Variants in DCT observed in about 807,000 individuals in gnomAD.
DCT encodes dopachrome tautomerase.
A neutral mutation model predicts 53.0 loss-of-function variants in DCT; 47 were observed. The ratio of observed to expected loss-of-function variants is 0.89; its 90% CI spans 0.70 to 1.13. The LOEUF is 1.13. Ranked by LOEUF, DCT falls within the 50% of genes most tolerant of loss-of-function variation. The pLI, the probability that DCT is intolerant of heterozygous loss-of-function variation, is 0.00. For missense variants in DCT, 669 were observed against 637.4 expected (o/e 1.05, Z -0.53); for synonymous variants, 244 against 237.0 (o/e 1.03, Z -0.27).
chr13:94,442,883 T>C (rs1269713854), intron 7 of DCT, among the ~76,000 whole-genome samples: 1 of 152,220 alleles, frequency 6.6e-6, no homozygotes, highest in Non-Finnish European at 1.5e-5. Context: ...TATTCATGGT[T>C]AATTTTTTGC....
At chr13:94,521,267 A>G in the DCT span, among the ~76,000 whole-genome samples, 2 of 152,390 alleles carry the variant, frequency 1.3e-5, no homozygotes, top group Admixed American at 1.3e-4. Context: ...TGCTTAGCTC[A>G]GTACCTGGCA....
At chr13:94,440,676 G>GTT (rs761688508) in intron 7 of DCT, among the ~76,000 whole-genome samples, 4,788 of 97,944 alleles carry the variant, frequency 0.049, 374 homozygotes, top group African/African-American at 0.12. Flanking sequence ...TCATTTTTTG[G>GTT]TTTTTTTTTT....
At chr13:94,459,877 C>T (rs1883665453) in intron 6 of DCT, among the ~76,000 whole-genome samples, 1 of 152,196 alleles carries the variant, frequency 6.6e-6, no homozygotes, top group Non-Finnish European at 1.5e-5. Context: ...TCTAAGATCA[C>T]CCAAAAGTGA....
rs1047723222 is a variant in DCT at position 94,437,482 on chromosome 13, T to A, written c.*2416A>T. 4 of 152,216 alleles carry A rather than the reference T, an allele frequency of 2.6e-5. No individual in the cohort carries two copies. The highest frequency in any genetic ancestry group is 6.5e-5 in the Admixed American group (1 of 15,280). 9.4% of individuals were successfully genotyped at this position (152,216 alleles called of 1,614,324 possible). A position where few individuals can be genotyped will look rare whatever the true frequency, so the allele number is the denominator to read the frequency against. ...TTAATGCACAAAGGAAAGATGTTAT[T>A]GCATTTTATCCCATTTCTGAATGTT... On this transcript the variant is annotated 3_prime_UTR_variant, in exon 8 of 8. Coordinates refer to ENST00000377028, the MANE Select transcript of DCT (RefSeq NM_001922.5).
the DCT span, among the ~76,000 whole-genome samples, chr13:94,514,473 C>T: frequency 6.6e-6 from 1 of 152,202 alleles, no homozygotes. Context: ...AGTGAGCAGC[C>T]TTGGCTGGGC....
At chr13:94,481,147 A>G (rs142876796), upstream of DCT, among the ~76,000 whole-genome samples, 6 of 152,258 alleles carry the variant, frequency 3.9e-5, no homozygotes, top group Non-Finnish European at 7.4e-5. Flanking sequence ...TTTTTCCTCC[A>G]TGTCTGTTTC....
At chr13:94,546,088 G>A in the DCT span, among the ~76,000 whole-genome samples, 39,654 of 151,962 alleles carry the variant, frequency 0.26, 6,534 homozygotes, top group East Asian at 0.61. This position sits in a 1 kb window ranked among gnomAD's most constrained non-coding sequence, Gnocchi z 4.2. Flanking sequence ...ACTAAAAAGG[G>A]CTTACAATTG....
chr13:94,479,936 C>T (rs1182494391), upstream of DCT, among the ~76,000 whole-genome samples: 3 of 152,162 alleles, frequency 2.0e-5, no homozygotes, highest in East Asian at 5.8e-4. Context: ...CCTGGGGAGT[C>T]AGTAGATGCA....
the DCT span, among the ~76,000 whole-genome samples, chr13:94,513,151 AAAG>A: frequency 6.6e-6 from 1 of 152,222 alleles, no homozygotes; most frequent in African/African-American, 2.4e-5. Context: ...ATGCTGGGTG[AAAG>A]AAGGTGCCTC....
chr13:94,465,518 T>C, intron 4 of DCT, 115 bp downstream of exon 4: 7 of 891,318 alleles, frequency 7.9e-6, no homozygotes, highest in Non-Finnish European at 1.1e-5. Context: ...TTTAGAAACA[T>C]GTAAATAGGA....
the DCT span, among the ~76,000 whole-genome samples, chr13:94,534,791 A>G: frequency 6.6e-6 from 1 of 152,258 alleles, no homozygotes; most frequent in Non-Finnish European, 1.5e-5. Flanking sequence ...GCTAACTTAA[A>G]CACTCTTGTT....
the DCT span, among the ~76,000 whole-genome samples, chr13:94,527,128 G>A: frequency 1.4e-4 from 22 of 152,198 alleles, no homozygotes; most frequent in Non-Finnish European, 2.9e-4. Context: ...AGGCCAGGAA[G>A]CACAAACTGG....
rs1324177752 is a variant in DCT at position 94,437,574 on chromosome 13, G to A, written c.*2324C>T. The A allele has an allele frequency of 6.6e-6, 1 of 152,168 alleles. No homozygotes were observed. Among genetic ancestry groups the A allele is most frequent in the East Asian group, 1.9e-4 (1 of 5,198 alleles). The allele number at this position is 152,168 out of a possible 1,614,324, so 9.4% of individuals were successfully genotyped here. A position where few individuals can be genotyped will look rare whatever the true frequency, so the allele number is the denominator to read the frequency against. ...TTTTCTAATACTGAAGATATAAGCA[G>A]TAAAGTGATCTGGTCATTTTCTCCA... On this transcript the variant is annotated 3_prime_UTR_variant, in exon 8 of 8. Coordinates refer to ENST00000377028, the MANE Select transcript of DCT (RefSeq NM_001922.5).
chr13:94,449,764 A>G (rs1330715626), intron 6 of DCT, among the ~76,000 whole-genome samples: 2 of 152,238 alleles, frequency 1.3e-5, no homozygotes, highest in Admixed American at 6.5e-5. Flanking sequence ...TTGTTCTACC[A>G]AAGATTTGAA....
chr13:94,460,119 T>A lies in DCT; in HGVS notation c.1151A>T (p.His384Leu). The change falls in exon 6 of 8, where the codon CAT becomes CTT. Residue 384 changes from histidine to leucine, a missense_variant. Transcript: ENST00000377028. The part of the protein sequence containing the change: ...SFLNGTNALP[H>L]SAANDPIFVV... ...AAAAATGGGATCATTGGCGGCTGAA[T>A]GTGGCAAAGCGTTTGTCCCGTTCAG... 3.1e-6 allele frequency: 5 copies of A among 1,614,114 alleles called. No homozygotes were observed. The highest frequency in any genetic ancestry group is 4.2e-6 in the Non-Finnish European group (5 of 1,180,004).
chr13:94,536,127 T>A, the DCT span, among the ~76,000 whole-genome samples: 2 of 152,250 alleles, frequency 1.3e-5, no homozygotes, highest in South Asian at 4.1e-4. Context: ...TTATTTAAGG[T>A]CCAGGAGACA....
At chr13:94,475,752 T>C (rs1174215780) in intron 1 of DCT, among the ~76,000 whole-genome samples, 1 of 152,234 alleles carries the variant, frequency 6.6e-6, no homozygotes. Context: ...TTCATTATCT[T>C]GATTGTGGAA....
intron 6 of DCT, among the ~76,000 whole-genome samples, chr13:94,458,646 A>G (rs113489924): frequency 0.013 from 1,955 of 152,066 alleles, 21 homozygotes; most frequent in South Asian, 0.038. Flanking sequence ...TAGTAAAAAT[A>G]TAAAAATTAA....
chr13:94,453,176 G>A (rs1197123639), intron 6 of DCT, among the ~76,000 whole-genome samples: 2 of 152,156 alleles, frequency 1.3e-5, no homozygotes, highest in African/African-American at 2.4e-5. Flanking sequence ...AGAAGGATGT[G>A]CGTACCTTAT....
Sources: gnomAD v4.1 joint callset for allele counts (sites outside exome capture counted in the v4.1 genomes callset) on GRCh38, gnomAD v4.1.1 for gene constraint, Gnocchi (gnomAD v3.1) non-coding constraint, MANE v1.5 for transcripts, NCBI Gene and HGNC (gene_info 2026-07-23, HGNC 2026-07-21) for gene names.